The following ME3 variants were observed in gnomAD, a reference collection of about 807,000 sequenced individuals.
The protein encoded by ME3 is malic enzyme 3, also known as NADP-dependent malic enzyme, mitochondrial.
Under a neutral mutation model 68.9 loss-of-function variants are expected in ME3, and 48 were observed. The ratio of observed to expected loss-of-function variants is 0.70; its 90% confidence interval spans 0.55 to 0.89. The LOEUF is 0.89. Ranked by LOEUF, ME3 falls within the 40% of genes least tolerant of loss-of-function variation. The probability of loss-of-function intolerance (pLI) is 0.00; values close to 1 mark genes in which losing one functional copy is unlikely to be tolerated. For synonymous variants in ME3, 320 were observed against 318.8 expected (o/e 1.00, Z -0.04); for missense variants, 675 against 797.4 (o/e 0.85, Z 1.85).
intron 8 of ME3, chr11:86,462,748 A>G (rs1594055388): frequency 2.0e-6 from 1 of 493,396 alleles, no homozygotes; most frequent in East Asian, 6.9e-5. Context: ...AAGGCAGACA[A>G]TGCAATACAG....
intron 4 of ME3, among the ~76,000 whole-genome samples, chr11:86,528,118 G>T (rs374309630): frequency 3.3e-5 from 5 of 152,220 alleles, no homozygotes; most frequent in Middle Eastern, 3.4e-3. Context: ...CCCATCTCAC[G>T]TGCATAGACA....
At chr11:86,652,632 G>C (rs1490481810) in intron 2 of ME3, among the ~76,000 whole-genome samples, 1 of 151,982 alleles carries the variant, frequency 6.6e-6, no homozygotes, top group East Asian at 1.9e-4. Flanking sequence ...ACCAGCCACT[G>C]CAAAAACATG....
At chr11:86,608,293 C>T (rs1436783631) in intron 2 of ME3, among the ~76,000 whole-genome samples, 1 of 152,064 alleles carries the variant, frequency 6.6e-6, no homozygotes, top group Non-Finnish European at 1.5e-5. Flanking sequence ...CTCTTGAGTC[C>T]ACGCACGCTT....
chr11:86,633,687 T>G (rs1938927), intron 2 of ME3, among the ~76,000 whole-genome samples: 1 of 152,042 alleles, frequency 6.6e-6, no homozygotes, highest in African/African-American at 2.4e-5. Flanking sequence ...TGCTGTTCTA[T>G]AGGCCAGAGG....
chr11:86,462,910 A>G (rs750335771), intron 8 of ME3, among the ~76,000 whole-genome samples: 3 of 152,164 alleles, frequency 2.0e-5, no homozygotes, highest in Non-Finnish European at 4.4e-5. Context: ...TACTCAGGTA[A>G]AGATGATGGG....
chr11:86,487,273 GT>G, intron 7 of ME3, 63 bp downstream of exon 7: 2 of 1,364,178 alleles, frequency 1.5e-6, no homozygotes, highest in Non-Finnish European at 2.1e-6. Context: ...CAAAACCAGT[GT>G]TGACTTTAGT....
At chr11:86,609,848 A>G (rs938972780) in intron 2 of ME3, among the ~76,000 whole-genome samples, 8 of 152,230 alleles carry the variant, frequency 5.3e-5, no homozygotes, top group African/African-American at 1.9e-4. Context: ...AAATGTATAA[A>G]ATGGATAACT....
chr11:86,531,562 T>C (rs946373626), intron 4 of ME3, among the ~76,000 whole-genome samples: 4 of 152,158 alleles, frequency 2.6e-5, no homozygotes, highest in African/African-American at 9.7e-5. Flanking sequence ...ATGTTTATTG[T>C]GGCACTATTC....
At chr11:86,617,799 T>TA (rs1449481435) in intron 2 of ME3, among the ~76,000 whole-genome samples, 1 of 151,954 alleles carries the variant, frequency 6.6e-6, no homozygotes, top group East Asian at 1.9e-4. Flanking sequence ...CTTTCATATA[T>TA]AAAATTTCTT....
downstream of ME3, among the ~76,000 whole-genome samples, chr11:86,440,746 G>C (rs1051236912): frequency 1.3e-5 from 2 of 152,190 alleles, no homozygotes; most frequent in Non-Finnish European, 1.5e-5. Context: ...GTGCTTTCTG[G>C]CTAGTGGCTG....
At chr11:86,515,552 C>A (rs1027949660) in intron 4 of ME3, among the ~76,000 whole-genome samples, 1 of 152,162 alleles carries the variant, frequency 6.6e-6, no homozygotes, top group Non-Finnish European at 1.5e-5. Context: ...CTGTGAGAAT[C>A]AAACAAGGCA....
intron 4 of ME3, among the ~76,000 whole-genome samples, chr11:86,531,216 G>A (rs1251852187): frequency 6.6e-6 from 1 of 152,194 alleles, no homozygotes; most frequent in African/African-American, 2.4e-5. Flanking sequence ...CTCAAAAGAA[G>A]ACATTTATGC....
At chr11:86,524,520 C>A (rs766632653) in intron 4 of ME3, among the ~76,000 whole-genome samples, 1 of 152,124 alleles carries the variant, frequency 6.6e-6, no homozygotes, top group Admixed American at 6.5e-5. Context: ...CAAGAAAAAG[C>A]TGAAATTGTA....
intron 2 of ME3, among the ~76,000 whole-genome samples, chr11:86,572,960 A>G (rs1006230650): frequency 3.3e-5 from 5 of 152,208 alleles, no homozygotes; most frequent in Non-Finnish European, 5.9e-5. Flanking sequence ...TGACATTTTA[A>G]TAATTGCCAT....
chr11:86,563,293 T>G (rs1043186692), intron 2 of ME3, among the ~76,000 whole-genome samples: 1 of 152,136 alleles, frequency 6.6e-6, no homozygotes, highest in Non-Finnish European at 1.5e-5. Flanking sequence ...ACATTTACAG[T>G]GTATAAGCTT....
chr11:86,609,794 C>T (rs1942428669), intron 2 of ME3, among the ~76,000 whole-genome samples: 2 of 152,194 alleles, frequency 1.3e-5, no homozygotes, highest in Non-Finnish European at 2.9e-5. Context: ...AAGTAAGTTT[C>T]AGTTTACTGA....
At position 86,651,929 on chromosome 11, in the gene ME3, G is replaced by A. The variant is rs190178682; in HGVS notation, c.183+19833C>T. Among the ~76,000 whole-genome samples, 18 of 152,278 alleles carry A rather than the reference G, an allele frequency of 1.2e-4. No homozygotes were observed. In the East Asian group the frequency reaches 1.5e-3, roughly 13 times the overall value. On this transcript the variant is annotated intron_variant, in intron 2 of 14. Coordinates refer to ENST00000543262, the Ensembl canonical transcript of ME3. ...CTCATGGAGCTGAAAACCATGGCAC[G>A]AGAACCACATGACGAATGCACAAGC...
chr11:86,491,307 C>T (rs531925199), intron 6 of ME3, among the ~76,000 whole-genome samples: 2 of 152,174 alleles, frequency 1.3e-5, no homozygotes, highest in South Asian at 2.1e-4. Context: ...GCATCCTCTT[C>T]GTCCCATCAC....
At chr11:86,475,874 T>TATATATAGAGAGAGAGAG in intron 7 of ME3, among the ~76,000 whole-genome samples, 152 of 91,440 alleles carry the variant, frequency 1.7e-3, no homozygotes, top group Middle Eastern at 0.012. Context: ...TATATATATA[T>TATATATAGAGAGAGAGAG]AGAGAGAGAG....
Sources: allele counts gnomAD v4.1 joint callset (sites outside exome capture counted in the v4.1 genomes callset), GRCh38; gene constraint gnomAD v4.1.1; transcripts MANE v1.5; gene names NCBI Gene and HGNC (gene_info 2026-07-23, HGNC 2026-07-21).